Variants in NEMP1 observed in about 807,000 individuals in gnomAD.
NEMP1 encodes nuclear envelope integral membrane protein 1, also known as transmembrane protein 194.
In NEMP1, 29 loss-of-function variants were observed where a neutral mutation model predicts 53.7. That is an observed-to-expected ratio of 0.54 (90% CI 0.40 to 0.74). The LOEUF (loss-of-function observed/expected upper bound fraction) is 0.74, where lower values mean the gene tolerates loss of function less well. Ranked by LOEUF, NEMP1 falls within the 30% of genes least tolerant of loss-of-function variation. The pLI is 0.00. For missense variants in NEMP1, 477 were observed against 528.6 expected (o/e 0.90, Z 0.96); for synonymous variants, 193 against 192.9 (o/e 1.00, Z 0.00).
chr12:57,060,684 G>A, intron 8 of NEMP1, 88 bp downstream of exon 8: 11 of 1,379,776 alleles, frequency 8.0e-6, no homozygotes, highest in Non-Finnish European at 9.9e-6. Flanking sequence ...AAGGTCACAA[G>A]TGCACGATTC....
upstream of NEMP1, among the ~76,000 whole-genome samples, chr12:57,083,075 AT>A (rs567719964): frequency 4.8e-3 from 734 of 152,174 alleles, 4 homozygotes; most frequent in African/African-American, 0.015. Flanking sequence ...ATGTATATGT[AT>A]TTTTTTATGT....
At chr12:57,074,899 C>A (rs1440248993) in intron 1 of NEMP1, among the ~76,000 whole-genome samples, 1 of 151,786 alleles carries the variant, frequency 6.6e-6, no homozygotes, top group Non-Finnish European at 1.5e-5. Flanking sequence ...ACCAGCCTGG[C>A]CAACATGGTG....
At chr12:57,086,036 G>A (rs1481476107) in intron 1 of NEMP1, among the ~76,000 whole-genome samples, 1 of 152,134 alleles carries the variant, frequency 6.6e-6, no homozygotes, top group East Asian at 1.9e-4. Flanking sequence ...CAATGAGGAG[G>A]CCACCGAGGG....
At chr12:57,083,122 A>AT (rs879649327), upstream of NEMP1, among the ~76,000 whole-genome samples, 177 of 151,638 alleles carry the variant, frequency 1.2e-3, no homozygotes, top group Admixed American at 2.0e-3. Context: ...CACATACTTC[A>AT]TTTTTTTTTA....
chr12:57,057,482 A>T lies in NEMP1; in HGVS notation c.*2397T>A, dbSNP rs2031583225. ...CTCCTAAAGAAGGTTGAAGTCAAGC[A>T]ATCTCCGGAACACAGAGGATCTGAA... is the stretch of plus-strand genomic sequence containing the variant. On this transcript the variant is annotated 3_prime_UTR_variant, in exon 9 of 9. Transcript: ENST00000300128. The T allele has an allele frequency of 6.6e-6, 1 of 152,470 alleles. No individual in the cohort carries two copies. The highest frequency in any genetic ancestry group is 2.4e-5 in the African/African-American group (1 of 41,454). The allele number at this position is 152,470 out of a possible 1,614,324, so 9.4% of individuals were successfully genotyped here.
upstream of NEMP1, among the ~76,000 whole-genome samples, chr12:57,082,708 T>C (rs2032881338): frequency 6.6e-6 from 1 of 151,982 alleles, no homozygotes; most frequent in African/African-American, 2.4e-5. Flanking sequence ...TAAGACCTTG[T>C]TGCTAAAAAA....
At chr12:57,088,551 A>C (rs2033085198), upstream of NEMP1, among the ~76,000 whole-genome samples, 1 of 152,086 alleles carries the variant, frequency 6.6e-6, no homozygotes, top group Admixed American at 6.5e-5. Flanking sequence ...AGGCCTGAGT[A>C]TGGGCAACGG....
chr12:57,062,991 A>T (rs2031890090), intron 7 of NEMP1, 128 bp downstream of exon 7: 1 of 649,512 alleles, frequency 1.5e-6, no homozygotes, highest in Admixed American at 2.7e-5. Flanking sequence ...AAGGAACAAA[A>T]GTGGAAGTAC....
chr12:57,069,258 A>T lies in NEMP1; in HGVS notation c.521T>A (p.Phe174Tyr), dbSNP rs2032237122. 1.3e-6 allele frequency: 2 copies of T among 1,547,584 alleles called. No individual in the cohort carries two copies. Among genetic ancestry groups the T allele is most frequent in the African/African-American group, 2.7e-5 (2 of 72,734 alleles). ...FLVFLLGLML[F>Y]FCGDLLSRSQ... ...CCTGCTCAGCAAGTCTCCACAAAAA[A>T]ATAGCATAAGTCCAAGAAGGAAAAC... Residue 174 changes from phenylalanine (F) to tyrosine (Y), a missense_variant, in exon 4 of 9, where the codon TTT (phenylalanine) becomes TAT (tyrosine). Physicochemically the swap from Phe to Tyr is conservative, Grantham distance 22 (BLOSUM62 3). Coordinates refer to ENST00000300128, the MANE Select transcript of NEMP1 (RefSeq NM_001130963.2).
chr12:57,080,218 G>T (rs1215494527), upstream of NEMP1, among the ~76,000 whole-genome samples: 5 of 151,972 alleles, frequency 3.3e-5, no homozygotes, highest in African/African-American at 1.2e-4. Flanking sequence ...ATCCCACCTT[G>T]GCCTCCCAAA....
intron 4 of NEMP1, among the ~76,000 whole-genome samples, chr12:57,065,345 T>A (rs2032019193): frequency 6.6e-6 from 1 of 152,152 alleles, no homozygotes; most frequent in South Asian, 2.1e-4. Context: ...CACCCCTCCT[T>A]TGAAGCTAGG....
At chr12:57,073,313 G>C (rs979879278) in intron 1 of NEMP1, among the ~76,000 whole-genome samples, 4 of 151,736 alleles carry the variant, frequency 2.6e-5, no homozygotes, top group Non-Finnish European at 4.4e-5. Context: ...CACCGTGCCC[G>C]GCTAATTTTT....
intron 4 of NEMP1, among the ~76,000 whole-genome samples, chr12:57,066,800 C>T (rs141966338): frequency 6.7e-6 from 1 of 150,132 alleles, no homozygotes; most frequent in Non-Finnish European, 1.5e-5. Context: ...GGGGCAGTTG[C>T]CCTCATACTG....
At chr12:57,071,897 T>C (rs530171127) in intron 2 of NEMP1, among the ~76,000 whole-genome samples, 1 of 152,272 alleles carries the variant, frequency 6.6e-6, no homozygotes, top group Admixed American at 6.5e-5. Context: ...TATCAGTAAC[T>C]ATGCTTATAA....
chr12:57,074,323 A>C (rs2032500603), intron 1 of NEMP1, among the ~76,000 whole-genome samples: 3 of 126,982 alleles, frequency 2.4e-5, no homozygotes, highest in African/African-American at 3.1e-5. Flanking sequence ...ACAGGGTCTC[A>C]CTCTGTCACC....
At chr12:57,064,821 C>A (rs149894240) in intron 4 of NEMP1, 82 bp from the exon 5 acceptor site, 1 of 1,025,038 alleles carries the variant, frequency 9.8e-7, no homozygotes, top group Non-Finnish European at 1.4e-6. Context: ...CTAACCCAGC[C>A]GAAAGATTTT....
chr12:57,064,023 A>C (rs775432618), intron 6 of NEMP1, 48 bp downstream of exon 6: 30 of 1,128,466 alleles, frequency 2.7e-5, no homozygotes, highest in African/African-American at 8.1e-5. Flanking sequence ...AAATTAACTG[A>C]AACAGCCTAT....
chr12:57,084,948 A>G (rs1239529047), intron 1 of NEMP1, among the ~76,000 whole-genome samples: 3 of 152,226 alleles, frequency 2.0e-5, no homozygotes, highest in Non-Finnish European at 4.4e-5. Context: ...AATGTTTTAA[A>G]AATTGGTCCT....
At chr12:57,073,378 G>A (rs911074154) in intron 1 of NEMP1, among the ~76,000 whole-genome samples, 8 of 151,920 alleles carry the variant, frequency 5.3e-5, no homozygotes, top group African/African-American at 1.9e-4. Context: ...GGTGGCTCAT[G>A]CCTGTAATCC....
Sources: gnomAD v4.1 joint callset for allele counts (sites outside exome capture counted in the v4.1 genomes callset) on GRCh38, gnomAD v4.1.1 for gene constraint, MANE v1.5 for transcripts, NCBI Gene and HGNC (gene_info 2026-07-23, HGNC 2026-07-21) for gene names.